DIS3L2: variants seen among roughly 807,000 people sequenced by gnomAD.
DIS3L2 encodes the protein DIS3 like 3'-5' exoribonuclease 2, also known as DIS3-like exonuclease 2.
A neutral mutation model predicts 97.5 loss-of-function variants in DIS3L2; 34 were observed. That is an observed-to-expected ratio of 0.35 (90% confidence interval 0.27 to 0.46). DIS3L2 has a LOEUF of 0.46. DIS3L2 is among the 20% of genes least tolerant of loss of function. The pLI, the probability that DIS3L2 is intolerant of heterozygous loss-of-function variation, is 1.00. For missense variants in DIS3L2, 1,038 were observed against 1,146.0 expected, an observed-to-expected ratio of 0.91 and a Z score of 1.36; for synonymous variants, 435 against 445.2, an observed-to-expected ratio of 0.98 and a Z score of 0.29.
intron 12 of DIS3L2, 90 bp from the exon 13 acceptor site, chr2:232,263,117 G>A: frequency 2.3e-6 from 3 of 1,329,956 alleles, no homozygotes; most frequent in South Asian, 1.3e-5. Context: ...ATAAATCTTT[G>A]TTGAATGTGT....
chr2:232,037,372 C>T lies in DIS3L2; in HGVS notation c.366+7292C>T, dbSNP rs1410329916. Among the ~76,000 whole-genome samples, 2 of 152,154 alleles carry T rather than the reference C, an allele frequency of 1.3e-5. No individual in the cohort carries two copies. Among genetic ancestry groups the T allele is most frequent in the Admixed American group, 1.3e-4 (2 of 15,284 alleles). On this transcript the variant is annotated intron_variant, in intron 5 of 20. Transcript: ENST00000325385. This position sits in a 1 kb window ranked among gnomAD's most constrained non-coding sequence, Gnocchi z 4.6. ...CCGCCTACTTAAGCCTCCGTAATGG[C>T]AGACGCCCCTCCCCACCAAGCTCAA...
At chr2:231,985,126 A>G (rs1693373906) in intron 1 of DIS3L2, among the ~76,000 whole-genome samples, 1 of 152,130 alleles carries the variant, frequency 6.6e-6, no homozygotes, top group South Asian at 2.1e-4. Context: ...GCTTTTACTC[A>G]TTTGTGTGTG....
intron 5 of DIS3L2, among the ~76,000 whole-genome samples, chr2:232,079,446 A>T (rs1023206877): frequency 2.6e-5 from 4 of 151,794 alleles, no homozygotes; most frequent in Admixed American, 1.3e-4. Flanking sequence ...AATATAAAAA[A>T]TTAGCTGGGC....
At chr2:232,263,151 A>G (rs560982338) in intron 12 of DIS3L2, 56 bp from the exon 13 acceptor site, 3 of 1,572,790 alleles carry the variant, frequency 1.9e-6, no homozygotes, top group African/African-American at 2.7e-5. Context: ...TGAAGGAAGA[A>G]AAACCTGAAA....
chr2:232,235,420 A>G (rs969447907), intron 10 of DIS3L2, among the ~76,000 whole-genome samples: 14 of 152,208 alleles, frequency 9.2e-5, no homozygotes, highest in Non-Finnish European at 1.6e-4. Context: ...TATATAATAA[A>G]ATATTTACTT....
intron 1 of DIS3L2, among the ~76,000 whole-genome samples, chr2:232,010,885 C>T (rs567237149): frequency 6.6e-6 from 1 of 152,338 alleles, no homozygotes; most frequent in African/African-American, 2.4e-5. Context: ...TTGTTGTAAC[C>T]TGACTTCTGT....
At chr2:232,193,396 A>G (rs1240889544) in intron 9 of DIS3L2, among the ~76,000 whole-genome samples, 2 of 152,246 alleles carry the variant, frequency 1.3e-5, no homozygotes, top group Non-Finnish European at 2.9e-5. Flanking sequence ...GGATATACAG[A>G]TAATGTCTTT....
Position 231,977,563 on chromosome 2 carries a change from G to A in DIS3L2, c.-94+15798G>A, listed in dbSNP as rs1183021463. Among the ~76,000 whole-genome samples, 10 of 152,264 alleles carry A rather than the reference G, an allele frequency of 6.6e-5. No homozygotes were observed. In the East Asian group the frequency reaches 1.9e-3, roughly 29 times the overall value. On this transcript the variant is annotated intron_variant, in intron 1 of 20. Coordinates refer to ENST00000325385, the MANE Select transcript of DIS3L2 (RefSeq NM_152383.5). Reference sequence around the variant, plus strand: ...ACTGTGCTAATGAAAGGAACACTCAGATTATAGTATTGTGGGCAGAGCCCA... The same window carrying A: ...ACTGTGCTAATGAAAGGAACACTCAAATTATAGTATTGTGGGCAGAGCCCA...
Position 232,276,168 on chromosome 2 carries a change from A to G in DIS3L2, c.1659+12728A>G, listed in dbSNP as rs563562723. ...CATGAGGCTGGTAGCCTCCTAAATA[A>G]GAAGATGTGCTAATGAATAGCAGAG... On this transcript the variant is annotated intron_variant, in intron 13 of 20. Coordinates refer to ENST00000325385, the MANE Select transcript of DIS3L2 (RefSeq NM_152383.5). This position sits in a 1 kb window ranked among gnomAD's most constrained non-coding sequence, Gnocchi z 4.4. 6.6e-6 allele frequency among the ~76,000 whole-genome samples: 1 copy of G among 152,358 alleles called. No homozygotes were observed. The highest frequency in any genetic ancestry group is 1.5e-5 in the Non-Finnish European group (1 of 68,034).
chr2:232,056,107 A>T (rs1425210393), intron 5 of DIS3L2, among the ~76,000 whole-genome samples: 2 of 152,220 alleles, frequency 1.3e-5, no homozygotes, highest in East Asian at 3.8e-4. Context: ...GTGATGCCTT[A>T]TACCTGTAAT....
intron 6 of DIS3L2, among the ~76,000 whole-genome samples, chr2:232,128,336 C>T (rs1473743995): frequency 6.6e-6 from 1 of 151,742 alleles, no homozygotes; most frequent in African/African-American, 2.4e-5. Flanking sequence ...TTTCTTTTAA[C>T]ACTGGATCTT....
At chr2:232,029,099 A>G (rs957593005) in intron 4 of DIS3L2, among the ~76,000 whole-genome samples, 1 of 152,120 alleles carries the variant, frequency 6.6e-6, no homozygotes, top group Non-Finnish European at 1.5e-5. Context: ...AATCTTATCT[A>G]TGTCAAGTGT....
chr2:232,197,998 AG>A (rs1691801006), intron 9 of DIS3L2, among the ~76,000 whole-genome samples: 1 of 151,670 alleles, frequency 6.6e-6, no homozygotes, highest in Non-Finnish European at 1.5e-5. Flanking sequence ...TCTGGAATTA[AG>A]GGTAGAAGTA....
chr2:232,077,955 C>CCCTTTCTT (rs1315257446), intron 5 of DIS3L2, among the ~76,000 whole-genome samples: 39 of 108,774 alleles, frequency 3.6e-4, no homozygotes, highest in Admixed American at 6.4e-4. Context: ...TTCTTTCTTT[C>CCCTTTCTT]TCTTTCTTTC....
In DIS3L2 at chr2:232,223,176, C is replaced by T. The variant is rs1480838313; in HGVS notation, c.1204+12771C>T. Among the ~76,000 whole-genome samples, 3 of 152,184 alleles carry T rather than the reference C, an allele frequency of 2.0e-5. No homozygotes were observed. In the East Asian group the frequency reaches 5.8e-4, roughly 29 times the overall value. On this transcript the variant is annotated intron_variant, in intron 10 of 20. Coordinates refer to ENST00000325385, the MANE Select transcript of DIS3L2 (RefSeq NM_152383.5). ...GATAATCTGGCACCCACCAGTCAGG[C>T]ATCCTCAAGTATCTGGCACCAAGGT...
chr2:232,330,727 C>CA lies in DIS3L2; in HGVS notation c.1962dup (p.Leu655ThrfsTer68), dbSNP rs1468727887. On this transcript the variant is annotated frameshift_variant, in exon 16 of 21. Transcript: ENST00000325385. LOFTEE classifies it high-confidence loss of function. ...CAAACATTTGGAGATGACAAGTACT[C>CA]ACTGGCCCGCAAGGAGGTGCTCACC... 6.2e-7 allele frequency: 1 copy of CA among 1,613,660 alleles called. No homozygotes were observed. Among genetic ancestry groups the CA allele is most frequent in the Non-Finnish European group, 8.5e-7 (1 of 1,180,038 alleles).
chr2:232,199,878 G>T (rs576626763), intron 9 of DIS3L2, among the ~76,000 whole-genome samples: 2 of 152,142 alleles, frequency 1.3e-5, no homozygotes, highest in Non-Finnish European at 1.5e-5. Context: ...AATCTAAAAG[G>T]TGGTAAAAGC....
In DIS3L2 at chr2:232,110,890, T is replaced by TA. The variant is rs879405561; in HGVS notation, c.602-19717dup. Among the ~76,000 whole-genome samples, 73 of 142,534 alleles carry TA rather than the reference T, an allele frequency of 5.1e-4. 3 individuals carry two copies. Among genetic ancestry groups the TA allele is most frequent in the Admixed American group, 1.7e-3 (24 of 14,314 alleles). 93.5% of individuals were successfully genotyped at this position (142,534 alleles called of 152,430 possible). On this transcript the variant is annotated intron_variant, in intron 6 of 20. Coordinates refer to ENST00000325385, the MANE Select transcript of DIS3L2 (RefSeq NM_152383.5). ...ACCCTTGAACTTAAAAGTTGGAAATTAAAAAAAAAAAAGAAAATGGTAAAT... is the reference window on the plus strand; with the variant it reads ...ACCCTTGAACTTAAAAGTTGGAAATTAAAAAAAAAAAAAGAAAATGGTAAAT...
intron 5 of DIS3L2, among the ~76,000 whole-genome samples, chr2:232,031,500 T>C (rs1694803275): frequency 6.6e-6 from 1 of 151,716 alleles, no homozygotes; most frequent in Non-Finnish European, 1.5e-5. Flanking sequence ...GGGTTTCTTT[T>C]TTTTTTTTTT....
Sources: gnomAD v4.1 joint callset for allele counts (sites outside exome capture counted in the v4.1 genomes callset) on GRCh38, gnomAD v4.1.1 for gene constraint, Gnocchi (gnomAD v3.1) non-coding constraint, MANE v1.5 for transcripts, NCBI Gene and HGNC (gene_info 2026-07-23, HGNC 2026-07-21) for gene names.